Variants in SASH1 observed in about 807,000 individuals in gnomAD.
The protein encoded by SASH1 is SAM and SH3 domain-containing protein 1.
In SASH1, 44 loss-of-function variants were observed where a neutral mutation model predicts 125.2. The ratio of observed to expected loss-of-function variants is 0.35; its 90% confidence interval spans 0.28 to 0.45. The LOEUF is 0.45. Among genes scored for constraint, SASH1 ranks in the 20% least tolerant of loss-of-function variants. The pLI is 1.00. For synonymous variants in SASH1, 639 were observed against 649.1 expected (o/e 0.98, Z 0.24); for missense variants, 1,426 against 1,614.5 (o/e 0.88, Z 2.00).
chr6:148,211,954 C>T, the SASH1 span, among the ~76,000 whole-genome samples: 1 of 152,212 alleles, frequency 6.6e-6, no homozygotes, highest in Non-Finnish European at 1.5e-5. Flanking sequence ...TTTGCTGCGT[C>T]ATTGTCAAGC....
At chr6:148,384,600 T>A (rs1783284994) in intron 1 of SASH1, among the ~76,000 whole-genome samples, 1 of 152,334 alleles carries the variant, frequency 6.6e-6, no homozygotes, top group East Asian at 1.9e-4. Flanking sequence ...TTAAATTTCC[T>A]GCAGACTCAT....
intron 1 of SASH1, among the ~76,000 whole-genome samples, chr6:148,357,369 G>A (rs1326940587): frequency 6.6e-6 from 1 of 152,144 alleles, no homozygotes; most frequent in Admixed American, 6.5e-5. Flanking sequence ...TGTTTTACCT[G>A]TAAAACAGGT....
At chr6:148,261,568 C>A in the SASH1 span, among the ~76,000 whole-genome samples, 5 of 152,152 alleles carry the variant, frequency 3.3e-5, no homozygotes, top group Admixed American at 6.5e-5. Context: ...AGGTGGCGGA[C>A]ACAAATTGCC....
intron 11 of SASH1, 106 bp from the exon 12 acceptor site, chr6:148,527,347 T>G: frequency 1.0e-6 from 1 of 986,834 alleles, no homozygotes; most frequent in Non-Finnish European, 1.5e-6. Context: ...TCAAGATCCA[T>G]GAGGAATGTC....
intron 1 of SASH1, among the ~76,000 whole-genome samples, chr6:148,345,719 T>A (rs4590290): frequency 0.15 from 23,534 of 152,204 alleles, 2,017 homozygotes; most frequent in African/African-American, 0.23. Flanking sequence ...CTTCCTTTTT[T>A]ATTTAAAATA....
At chr6:148,429,385 T>TAAAAAAAAAAAAA (rs61460366) in intron 2 of SASH1, among the ~76,000 whole-genome samples, 1 of 73,938 alleles carries the variant, frequency 1.4e-5, no homozygotes, top group Non-Finnish European at 2.4e-5. Flanking sequence ...CCCTGTCTCT[T>TAAAAAAAAAAAAA]AAAAAAAAAA....
chr6:148,286,803 A>G (rs1475667045), intron 1 of SASH1, among the ~76,000 whole-genome samples: 1 of 152,162 alleles, frequency 6.6e-6, no homozygotes, highest in Non-Finnish European at 1.5e-5. Context: ...GTTACAGCAT[A>G]TAAATTTGGG....
At chr6:148,449,074 A>ATTTCTTTTTCTTTTTTTTT (rs1419978576) in intron 4 of SASH1, among the ~76,000 whole-genome samples, 4 of 32,750 alleles carry the variant, frequency 1.2e-4, no homozygotes, top group African/African-American at 4.0e-4. Flanking sequence ...ATTTCATTTC[A>ATTTCTTTTTCTTTTTTTTT]TTTCTTTTTT....
chr6:148,524,122 T>TATATATATATATATATATA (rs1491367203), intron 10 of SASH1, among the ~76,000 whole-genome samples: 4 of 92,972 alleles, frequency 4.3e-5, no homozygotes, highest in Non-Finnish European at 9.4e-5. Context: ...TATATATATA[T>TATATATATATATATATATA]TTTTTTTAAT....
rs775599990 is a variant in SASH1 at position 148,375,424 on chromosome 6, A to G, written c.157-14710A>G. Among the ~76,000 whole-genome samples the G allele has an allele frequency of 1.4e-4, 22 of 151,774 alleles. 1 individual carries two copies. Among genetic ancestry groups the G allele is most frequent in the Admixed American group, 6.6e-4 (10 of 15,188 alleles). ...GTGGTGACAAGAACAGCTAAAATCT[A>G]CTTACTTAACAGAAATCCCTAACGG... On this transcript the variant is annotated intron_variant, in intron 1 of 19. Coordinates refer to ENST00000367467, the MANE Select transcript of SASH1 (RefSeq NM_015278.5).
chr6:148,449,074 A>AT (rs1562419990), intron 4 of SASH1, among the ~76,000 whole-genome samples: 1 of 32,744 alleles, frequency 3.1e-5, no homozygotes, highest in Non-Finnish European at 6.4e-5. Context: ...ATTTCATTTC[A>AT]TTTCTTTTTT....
At chr6:148,214,172 C>T in the SASH1 span, among the ~76,000 whole-genome samples, 555 of 152,252 alleles carry the variant, frequency 3.6e-3, 3 homozygotes, top group Admixed American at 5.5e-3. Context: ...GAGTATCCAT[C>T]GCTCCTGACA....
In SASH1 at chr6:148,342,995, G is replaced by A. The variant is rs1318718363; in HGVS notation, c.-73G>A. On this transcript the variant is annotated 5_prime_UTR_variant, in exon 1 of 20. Coordinates refer to ENST00000367467, the MANE Select transcript of SASH1 (RefSeq NM_015278.5). ...CCGCGGGCGGGGACCCGGCATCCGGGCAGGCTGCGCGCGGGTGCGGGGCGA... is the reference window on the plus strand; with the variant it reads ...CCGCGGGCGGGGACCCGGCATCCGGACAGGCTGCGCGCGGGTGCGGGGCGA... The A allele has an allele frequency of 2.8e-6, 3 of 1,071,060 alleles. No homozygotes were observed. Among genetic ancestry groups the A allele is most frequent in the Non-Finnish European group, 3.4e-6 (3 of 886,266 alleles). 66.3% of individuals were successfully genotyped at this position (1,071,060 alleles called of 1,614,324 possible).
chr6:148,356,088 T>G (rs1405010228), intron 1 of SASH1, among the ~76,000 whole-genome samples: 5 of 151,006 alleles, frequency 3.3e-5, no homozygotes, highest in Non-Finnish European at 7.4e-5. Context: ...TTTTTTTTCT[T>G]TTCTTTTCTT....
intron 16 of SASH1, among the ~76,000 whole-genome samples, chr6:148,535,242 T>C (rs1349451566): frequency 6.6e-6 from 1 of 152,176 alleles, no homozygotes; most frequent in African/African-American, 2.4e-5. Flanking sequence ...TTTCCGGGCA[T>C]GTTTCTAGGT....
At chr6:148,425,249 A>G (rs1257318089) in intron 2 of SASH1, among the ~76,000 whole-genome samples, 1 of 152,206 alleles carries the variant, frequency 6.6e-6, no homozygotes, top group African/African-American at 2.4e-5. Context: ...TTGTCAGTAT[A>G]TTGTAGTACC....
chr6:148,522,098 G>C (rs74834512), intron 10 of SASH1, among the ~76,000 whole-genome samples: 2 of 152,132 alleles, frequency 1.3e-5, no homozygotes, highest in African/African-American at 4.8e-5. Flanking sequence ...TCCAGGCACC[G>C]CCCCCACCTA....
At chr6:148,535,102 G>A (rs1781763641) in intron 16 of SASH1, among the ~76,000 whole-genome samples, 1 of 152,200 alleles carries the variant, frequency 6.6e-6, no homozygotes. Flanking sequence ...TACGCTGCCA[G>A]TATGTGCTTA....
chr6:148,271,839 TG>T (rs1487372536), upstream of SASH1, among the ~76,000 whole-genome samples: 21 of 152,194 alleles, frequency 1.4e-4, no homozygotes, highest in Non-Finnish European at 4.4e-5. Context: ...TTCCTTTTCT[TG>T]AGCCAAGAAA....
Sources: allele counts gnomAD v4.1 joint callset (sites outside exome capture counted in the v4.1 genomes callset), GRCh38; gene constraint gnomAD v4.1.1; transcripts MANE v1.5; gene names NCBI Gene and HGNC (gene_info 2026-07-23, HGNC 2026-07-21).